Variants in H4C15 observed in about 807,000 individuals in gnomAD.
H4C15 encodes the protein histone H4.
downstream of H4C15, chr1:149,850,523 T>C: frequency 4.9e-6 from 4 of 816,658 alleles, no homozygotes; most frequent in East Asian, 8.1e-5. Context: ...GCGCTTGTTG[T>C]AGTGCGCCAG....
the H4C15 span, chr1:149,844,653 T>C: frequency 6.6e-6 from 1 of 152,200 alleles, no homozygotes; most frequent in Non-Finnish European, 1.5e-5. Context: ...TGGTAGCCCC[T>C]TGCTTTTGTT....
downstream of H4C15, chr1:149,850,232 A>T: frequency 1.0e-6 from 1 of 958,636 alleles, no homozygotes; most frequent in Non-Finnish European, 1.6e-6. Context: ...AAAGTTAACC[A>T]GACGTGAAGC....
chr1:149,850,118 C>T, downstream of H4C15: 2 of 507,842 alleles, frequency 3.9e-6, no homozygotes, highest in Non-Finnish European at 7.2e-6. Flanking sequence ...CCCAACCTAT[C>T]TATGCCATAG....
chr1:149,848,701 T>C, the H4C15 span: 2 of 152,248 alleles, frequency 1.3e-5, no homozygotes, highest in East Asian at 3.9e-4. Context: ...CTAAGAACTG[T>C]GGGTAAAATG....
the H4C15 span, chr1:149,847,353 T>A: frequency 6.6e-6 from 1 of 152,228 alleles, no homozygotes; most frequent in Non-Finnish European, 1.5e-5. Context: ...TTGACTACTG[T>A]TATGGGTTGA....
downstream of H4C15, chr1:149,850,587 T>G: frequency 1.7e-6 from 1 of 602,680 alleles, no homozygotes; most frequent in Non-Finnish European, 2.8e-6. Context: ...AAGGAGTTCA[T>G]GATGCCCATG....
the H4C15 span, chr1:149,847,351 TG>T: frequency 6.6e-6 from 1 of 152,268 alleles, no homozygotes; most frequent in Non-Finnish European, 1.5e-5. Flanking sequence ...CATTGACTAC[TG>T]TTATGGGTTG....
chr1:149,855,767 T>TGTGAGA (rs1224184289), downstream of H4C15, among the ~76,000 whole-genome samples: 4 of 20,482 alleles, frequency 2.0e-4, no homozygotes, highest in East Asian at 8.8e-4. Flanking sequence ...TGTGTGTGTG[T>TGTGAGA]GAGAGAGAGA....
chr1:149,845,528 A>G, the H4C15 span: 5 of 152,230 alleles, frequency 3.3e-5, no homozygotes, highest in East Asian at 5.8e-4. Flanking sequence ...AGAACAGAAC[A>G]TGGTAAGTAC....
chr1:149,855,767 T>TGA (rs1161549801), downstream of H4C15, among the ~76,000 whole-genome samples: 31 of 20,482 alleles, frequency 1.5e-3, 6 homozygotes, highest in East Asian at 6.1e-3. Context: ...TGTGTGTGTG[T>TGA]GAGAGAGAGA....
downstream of H4C15, among the ~76,000 whole-genome samples, chr1:149,849,447 A>G (rs1352459137): frequency 3.9e-5 from 6 of 152,180 alleles, no homozygotes; most frequent in African/African-American, 1.2e-4. Flanking sequence ...AGGATTTACG[A>G]TCCCCAGAGC....
downstream of H4C15, among the ~76,000 whole-genome samples, chr1:149,849,927 C>T (rs183376556): frequency 2.0e-5 from 3 of 152,350 alleles, no homozygotes; most frequent in Non-Finnish European, 4.4e-5. Context: ...TGCATTTAAT[C>T]TCTACCTTCA....
chr1:149,847,359 G>A, the H4C15 span: 2 of 152,220 alleles, frequency 1.3e-5, no homozygotes. Context: ...ACTGTTATGG[G>A]TTGAGTTGTG....
chr1:149,845,803 A>C, the H4C15 span: 1 of 152,208 alleles, frequency 6.6e-6, no homozygotes, highest in African/African-American at 2.4e-5. Context: ...TTTTAAATGA[A>C]ATTGATTTAG....
At chr1:149,850,281 C>A (rs764649004), downstream of H4C15, 3 of 1,369,356 alleles carry the variant, frequency 2.2e-6, no homozygotes, top group Non-Finnish European at 3.1e-6. Context: ...AAGAAAGATT[C>A]TTTAACTGAG....
At chr1:149,847,139 C>T in the H4C15 span, 8 of 152,370 alleles carry the variant, frequency 5.3e-5, no homozygotes, top group East Asian at 1.5e-3. Context: ...CTCCTTCTAT[C>T]GCCTCCTTCT....
the H4C15 span, chr1:149,845,287 C>T: frequency 6.6e-6 from 1 of 152,198 alleles, no homozygotes. Context: ...TCGGATAAAA[C>T]ATGCTGGGAA....
the H4C15 span, chr1:149,844,959 A>C: frequency 6.6e-5 from 10 of 152,258 alleles, no homozygotes; most frequent in Non-Finnish European, 1.0e-4. Flanking sequence ...GACAACAGGG[A>C]AAAGTTGAGT....
At chr1:149,848,706 A>G in the H4C15 span, 1 of 152,254 alleles carries the variant, frequency 6.6e-6, no homozygotes, top group Admixed American at 6.5e-5. Context: ...AACTGTGGGT[A>G]AAATGCGTTT....
Sources: allele counts gnomAD v4.1 joint callset (sites outside exome capture counted in the v4.1 genomes callset), GRCh38; gene constraint gnomAD v4.1.1; transcripts MANE v1.5; gene names NCBI Gene and HGNC (gene_info 2026-07-23, HGNC 2026-07-21).